Variants in SIGLEC6 observed in about 807,000 individuals in gnomAD.
SIGLEC6 encodes the protein sialic acid-binding Ig-like lectin 6.
SIGLEC6 carries 31 observed loss-of-function variants against 41.4 expected under a neutral mutation model. The ratio of observed to expected loss-of-function variants is 0.75; its 90% confidence interval spans 0.56 to 1.01. SIGLEC6 has a LOEUF of 1.01. Ranked by LOEUF, SIGLEC6 falls within the 50% of genes least tolerant of loss-of-function variation. The pLI is 0.00. For missense variants in SIGLEC6, 555 were observed against 558.6 expected, an observed-to-expected ratio of 0.99 and a Z score of 0.06; for synonymous variants, 217 against 231.0, an observed-to-expected ratio of 0.94 and a Z score of 0.55.
rs762898237 is a variant in SIGLEC6 at position 51,530,819 on chromosome 19, G to A, written c.568C>T (p.Leu190=). 3.1e-6 allele frequency: 5 copies of A among 1,614,086 alleles called. No homozygotes were observed. The South Asian group carries it at 4.4e-5, about 14-fold the overall frequency. ...FSWMSAAPTS[L]GPRTTQSSVL... The stretch of plus-strand genomic sequence containing the variant: ...GAGGACTGGGTGGTCCTGGGGCCCA[G>A]GGAGGTGGGGGCAGCTGACATCCAG... Residue 190 remains leucine, a synonymous_variant, in exon 3 of 8, where the codon CTG becomes TTG. Coordinates refer to ENST00000425629, the MANE Select transcript of SIGLEC6 (RefSeq NM_001245.7).
At chr19:51,526,111 C>A (rs1979183506) in intron 7 of SIGLEC6, among the ~76,000 whole-genome samples, 1 of 152,178 alleles carries the variant, frequency 6.6e-6, no homozygotes, top group African/African-American at 2.4e-5. Context: ...CTGCATTCCT[C>A]TAGGATGAAG....
intron 5 of SIGLEC6, 61 bp from the exon 6 acceptor site, chr19:51,528,314 T>G: frequency 1.4e-6 from 2 of 1,401,384 alleles, no homozygotes; most frequent in Non-Finnish European, 2.0e-6. Flanking sequence ...CCAACAGCCA[T>G]TCCTCTCCAC....
At chr19:51,529,043 A>G (rs1459293071) in intron 5 of SIGLEC6, among the ~76,000 whole-genome samples, 1 of 150,652 alleles carries the variant, frequency 6.6e-6, no homozygotes, top group Non-Finnish European at 1.5e-5. Context: ...ACAGACGCAC[A>G]TGTGGACACA....
intron 5 of SIGLEC6, among the ~76,000 whole-genome samples, chr19:51,528,874 G>A (rs942867787): frequency 2.0e-5 from 3 of 151,840 alleles, no homozygotes; most frequent in South Asian, 2.1e-4. Flanking sequence ...CCAGCTACTC[G>A]GGAGGCTGAG....
chr19:51,528,407 C>G, intron 5 of SIGLEC6, 154 bp from the exon 6 acceptor site: 1 of 645,608 alleles, frequency 1.5e-6, no homozygotes, highest in Non-Finnish European at 2.8e-6. Flanking sequence ...AGCCTCTTCT[C>G]TCTCCATGAC....
intron 7 of SIGLEC6, among the ~76,000 whole-genome samples, chr19:51,521,258 G>C (rs567982884): frequency 6.6e-6 from 1 of 152,270 alleles, no homozygotes; most frequent in Non-Finnish European, 1.5e-5. Context: ...CACACTAAGT[G>C]TGTTATATCT....
In SIGLEC6 at chr19:51,531,584, G is replaced by C. The variant is rs577918089; in HGVS notation, c.65C>G (p.Ala22Gly). 2.5e-6 allele frequency: 4 copies of C among 1,613,844 alleles called. No individual in the cohort carries two copies. In the African/African-American group the frequency reaches 5.3e-5, roughly 22 times the overall value. ...CACCTCTCCCCTGGCCCACTCACCT[G>C]CCCACAGCAGGGGCAGCAGCAGCGG... ...MLPLLLPLLW[A>G]GALAQERRFQ... Residue 22 changes from alanine to glycine, a missense_variant and splice_region_variant, in exon 1 of 8, where the codon GCA becomes GGA. Ala to Gly is a moderately conservative substitution (Grantham distance 60). Coordinates refer to ENST00000425629, the MANE Select transcript of SIGLEC6 (RefSeq NM_001245.7).
At position 51,523,537 on chromosome 19, in the gene SIGLEC6, A is replaced by G. The variant is rs146220118; in HGVS notation, c.1189-3282T>C. On this transcript the variant is annotated intron_variant, in intron 7 of 7. Transcript: ENST00000425629. ...GTCATAATCCTATTGCTGAAAACCA[A>G]CAAGGAAAAGAAATGTGCCCTAGGG... is the stretch of plus-strand genomic sequence containing the variant. Among the ~76,000 whole-genome samples the G allele has an allele frequency of 2.9e-3, 446 of 152,352 alleles. 15 individuals are homozygous for G. The highest frequency in any genetic ancestry group is 0.025 in the Admixed American group (390 of 15,314).
At chr19:51,529,579 T>C (rs1979832822) in intron 5 of SIGLEC6, 145 bp downstream of exon 5, 1 of 1,030,028 alleles carries the variant, frequency 9.7e-7, no homozygotes, top group Non-Finnish European at 1.4e-6. Flanking sequence ...CAGTGTGGAC[T>C]CTAAGCCTCC....
intron 7 of SIGLEC6, among the ~76,000 whole-genome samples, chr19:51,525,713 C>T (rs749945234): frequency 4.6e-5 from 7 of 152,228 alleles, no homozygotes; most frequent in Non-Finnish European, 4.4e-5. Context: ...AGCCCAGTCT[C>T]GCTTCCCTGT....
At position 51,530,862 on chromosome 19, in the gene SIGLEC6, C is replaced by A; in HGVS notation, c.525G>T (p.Gly175=). Residue 175 remains glycine (G), a synonymous_variant, in exon 3 of 8, where the codon GGG becomes GGT. Transcript: ENST00000425629. ...TCSVPWVCEQ[G]TPPIFSWMSA... ...ACATCCAGGAGAAGATGGGGGGCGT[C>A]CCCTGCTCACAGACCCAGGGCACAG... The A allele has an allele frequency of 6.2e-7, 1 of 1,613,910 alleles. No individual in the cohort carries two copies. The highest frequency in any genetic ancestry group is 8.5e-7 in the Non-Finnish European group (1 of 1,180,000).
chr19:51,524,154 A>G (rs1978797537), intron 7 of SIGLEC6, among the ~76,000 whole-genome samples: 1 of 152,260 alleles, frequency 6.6e-6, no homozygotes, highest in Non-Finnish European at 1.5e-5. Flanking sequence ...TAATCACATT[A>G]AATATAAATG....
At chr19:51,521,961 CA>C (rs1444265766) in intron 7 of SIGLEC6, among the ~76,000 whole-genome samples, 1 of 152,120 alleles carries the variant, frequency 6.6e-6, no homozygotes, top group Non-Finnish European at 1.5e-5. Flanking sequence ...AAGCAGAACA[CA>C]AGAGTCTTAT....
At chr19:51,524,790 A>T (rs926216935) in intron 7 of SIGLEC6, among the ~76,000 whole-genome samples, 1 of 152,214 alleles carries the variant, frequency 6.6e-6, no homozygotes, top group African/African-American at 2.4e-5. Context: ...ACACGTTGAC[A>T]TTCATCAAGG....
At chr19:51,526,597 A>C (rs1057134803) in intron 7 of SIGLEC6, among the ~76,000 whole-genome samples, 1 of 152,214 alleles carries the variant, frequency 6.6e-6, no homozygotes, top group Non-Finnish European at 1.5e-5. Context: ...ATAAATGAGA[A>C]AGAACCAGTG....
In SIGLEC6 at chr19:51,531,596, G is replaced by C. The variant is rs558145332; in HGVS notation, c.53C>G (p.Pro18Arg). The C allele has an allele frequency of 6.2e-7, 1 of 1,613,676 alleles. No individual in the cohort carries two copies. The highest frequency in any genetic ancestry group is 8.5e-7 in the Non-Finnish European group (1 of 1,179,800). ...GGCCCACTCACCTGCCCACAGCAGG[G>C]GCAGCAGCAGCGGTAGCATCTCTGA... Reference protein sequence around the residue: ...SASEMLPLLLPLLWAGALAQE... With the variant: ...SASEMLPLLLRLLWAGALAQE... Residue 18 changes from proline (P) to arginine (R), a missense_variant, in exon 1 of 8, where the codon CCC becomes CGC. Coordinates refer to ENST00000425629, the MANE Select transcript of SIGLEC6 (RefSeq NM_001245.7).
intron 3 of SIGLEC6, 34 bp from the exon 4 acceptor site, chr19:51,530,518 CTGAGGAGGGA>C: frequency 6.2e-7 from 1 of 1,613,830 alleles, no homozygotes; most frequent in Non-Finnish European, 8.5e-7. Context: ...CTCAACATCC[CTGAGGAGGGA>C]TGGTAGGCAT....
intron 2 of SIGLEC6, 98 bp from the exon 3 acceptor site, chr19:51,531,057 A>T: frequency 6.4e-7 from 1 of 1,569,888 alleles, no homozygotes; most frequent in Non-Finnish European, 8.6e-7. Flanking sequence ...TGAGCCCAAC[A>T]TGCTTAATTG....
rs1990688486 is a variant in SIGLEC6 at position 51,518,629 on chromosome 19, T to G, written c.*1453A>C. 6.6e-6 allele frequency among the ~76,000 whole-genome samples: 1 copy of G among 152,182 alleles called. No individual in the cohort carries two copies. Among genetic ancestry groups the G allele is most frequent in the South Asian group, 2.1e-4 (1 of 4,826 alleles). Reference sequence around the variant, plus strand: ...TGCTGGGATTACAGGCGTGAGCCACTGCTAACTGTGGTCTTTTAAGTGTAA... The same window carrying G: ...TGCTGGGATTACAGGCGTGAGCCACGGCTAACTGTGGTCTTTTAAGTGTAA... On this transcript the variant is annotated 3_prime_UTR_variant, in exon 8 of 8. Transcript: ENST00000425629.
Sources: allele counts gnomAD v4.1 joint callset (sites outside exome capture counted in the v4.1 genomes callset), GRCh38; gene constraint gnomAD v4.1.1; transcripts MANE v1.5; gene names NCBI Gene and HGNC (gene_info 2026-07-23, HGNC 2026-07-21).